BCL11A: variants seen among roughly 807,000 people sequenced by gnomAD.
BCL11A encodes BCL11 transcription factor A.
Under a neutral mutation model 55.9 loss-of-function variants are expected in BCL11A, and 2 were observed. The ratio of observed to expected loss-of-function variants is 0.04; its 90% confidence interval spans 0.01 to 0.11. The LOEUF is 0.11. Among genes scored for constraint, BCL11A ranks in the 10% least tolerant of loss-of-function variants. The probability of loss-of-function intolerance (pLI) is 1.00; values close to 1 mark genes in which losing one functional copy is unlikely to be tolerated. For missense variants in BCL11A, 817 were observed against 1,137.1 expected (o/e 0.72, Z 4.05); for synonymous variants, 465 against 473.4 (o/e 0.98, Z 0.23).
chr2:60,470,177 G>A (rs1677118442), intron 2 of BCL11A, among the ~76,000 whole-genome samples: 1 of 152,090 alleles, frequency 6.6e-6, no homozygotes, highest in African/African-American at 2.4e-5. Context: ...GGCCTGCAGA[G>A]GGAAGCCCTG....
At chr2:60,489,451 C>T (rs1013850149) in intron 2 of BCL11A, among the ~76,000 whole-genome samples, 33 of 152,200 alleles carry the variant, frequency 2.2e-4, no homozygotes, top group African/African-American at 7.5e-4. Context: ...AAACACACGG[C>T]GGCCCTGCGT....
Position 60,467,594 on chromosome 2 carries a change from ATGG to A in BCL11A, c.487+1135_487+1137del, listed in dbSNP as rs781344013. The stretch of plus-strand genomic sequence containing the variant: ...GGTGGTGGTAATGGTGGTGGTGGTG[ATGG>A]TGGTGGTGGTGGTAGTGATGGTGGT... On this transcript the variant is annotated intron_variant, in intron 3 of 3. Coordinates refer to ENST00000642384, the MANE Select transcript of BCL11A (RefSeq NM_022893.4). Among the ~76,000 whole-genome samples the A allele has an allele frequency of 2.5e-3, 42 of 16,544 alleles. 7 individuals carry two copies. The highest frequency in any genetic ancestry group is 3.5e-3 in the Admixed American group (5 of 1,410). 10.9% of individuals were successfully genotyped at this position (16,544 alleles called of 152,430 possible).
intron 2 of BCL11A, among the ~76,000 whole-genome samples, chr2:60,469,350 C>A (rs530375352): frequency 1.3e-5 from 2 of 152,274 alleles, no homozygotes; most frequent in South Asian, 4.1e-4. Flanking sequence ...TGTCCCTCTG[C>A]CCCCCTCTTC....
chr2:60,473,472 C>T (rs992287215), intron 2 of BCL11A, among the ~76,000 whole-genome samples: 1 of 152,084 alleles, frequency 6.6e-6, no homozygotes, highest in Non-Finnish European at 1.5e-5. Context: ...TTCCATGTAC[C>T]ACCTTCTAGA....
chr2:60,508,112 T>C (rs1679748265), intron 2 of BCL11A, among the ~76,000 whole-genome samples: 1 of 152,158 alleles, frequency 6.6e-6, no homozygotes, highest in South Asian at 2.1e-4. Flanking sequence ...TGCCCTTTCT[T>C]TCACAAACAA....
intron 2 of BCL11A, among the ~76,000 whole-genome samples, chr2:60,505,736 G>T (rs375862010): frequency 1.3e-5 from 2 of 152,212 alleles, no homozygotes; most frequent in East Asian, 3.8e-4. Flanking sequence ...ACTCTGTGAC[G>T]GAGGGTGGGT....
exon 5 of BCL11A, chr2:60,452,022 C>G (rs886573932): frequency 1.3e-5 from 3 of 226,992 alleles, no homozygotes; most frequent in Non-Finnish European, 1.8e-5. Context: ...CCTCCTACAT[C>G]TCCTGCCCAT....
intron 2 of BCL11A, chr2:60,545,312 TCTCTA>T (rs1670097714): frequency 6.6e-6 from 1 of 152,520 alleles, no homozygotes; most frequent in Non-Finnish European, 1.5e-5. Flanking sequence ...GCAACTGCCC[TCTCTA>T]CTCTGGCCTG....
At chr2:60,523,377 G>A (rs1669075966) in intron 2 of BCL11A, among the ~76,000 whole-genome samples, 1 of 152,196 alleles carries the variant, frequency 6.6e-6, no homozygotes, top group South Asian at 2.1e-4. Context: ...ATAGTATGGA[G>A]ATAATTTGCT....
chr2:60,505,206 G>A (rs1359740742), intron 2 of BCL11A, among the ~76,000 whole-genome samples: 1 of 152,170 alleles, frequency 6.6e-6, no homozygotes, highest in Non-Finnish European at 1.5e-5. Context: ...ACATTCGAAA[G>A]GGATGGGCCC....
At chr2:60,482,929 C>T (rs1678044309) in intron 2 of BCL11A, among the ~76,000 whole-genome samples, 2 of 152,174 alleles carry the variant, frequency 1.3e-5, no homozygotes, top group Non-Finnish European at 2.9e-5. Flanking sequence ...GGCAGAGTCC[C>T]CACTGAAACA....
chr2:60,464,391 G>T (rs559781423), intron 3 of BCL11A, among the ~76,000 whole-genome samples: 23 of 152,150 alleles, frequency 1.5e-4, no homozygotes, highest in Non-Finnish European at 2.9e-4. Flanking sequence ...ACAATAACTT[G>T]GGTCCCAAAT....
intron 2 of BCL11A, among the ~76,000 whole-genome samples, chr2:60,499,069 C>T (rs1679121489): frequency 6.6e-6 from 1 of 152,208 alleles, no homozygotes; most frequent in Non-Finnish European, 1.5e-5. Context: ...AGCTACAGTC[C>T]ATTTCTCGCT....
At chr2:60,476,824 C>A (rs1220181793) in intron 2 of BCL11A, among the ~76,000 whole-genome samples, 2 of 152,130 alleles carry the variant, frequency 1.3e-5, no homozygotes, top group African/African-American at 4.8e-5. Flanking sequence ...TGTGGTGAAA[C>A]CTTTTGAAAA....
chr2:60,466,634 C>T (rs1186986722), intron 3 of BCL11A, among the ~76,000 whole-genome samples: 1 of 152,198 alleles, frequency 6.6e-6, no homozygotes, highest in East Asian at 1.9e-4. Context: ...TGAATCTGGT[C>T]TCAGGGTGCA....
intron 2 of BCL11A, among the ~76,000 whole-genome samples, chr2:60,488,829 G>A (rs1322687351): frequency 6.6e-6 from 1 of 152,128 alleles, no homozygotes; most frequent in African/African-American, 2.4e-5. Context: ...GCGCAATCTC[G>A]GCTCACCGCA....
chr2:60,537,341 A>G (rs1669714984), intron 2 of BCL11A: 1 of 152,242 alleles, frequency 6.6e-6, no homozygotes, highest in African/African-American at 2.4e-5. Flanking sequence ...TTTAAGATTT[A>G]ACATTGGTTA....
chr2:60,501,831 G>C (rs1679303353), intron 2 of BCL11A, among the ~76,000 whole-genome samples: 1 of 152,142 alleles, frequency 6.6e-6, no homozygotes, highest in African/African-American at 2.4e-5. Context: ...AATTACAGCA[G>C]TGTGCTCATC....
intron 2 of BCL11A, chr2:60,495,702 G>C (rs1678905892): frequency 6.6e-6 from 1 of 152,214 alleles, no homozygotes. Context: ...TGAGAGTTTG[G>C]AGCTTCCCTA....
Sources: allele counts gnomAD v4.1 joint callset (sites outside exome capture counted in the v4.1 genomes callset), GRCh38; gene constraint gnomAD v4.1.1; transcripts MANE v1.5; gene names NCBI Gene and HGNC (gene_info 2026-07-23, HGNC 2026-07-21).